The following KCNIP4 variants were observed in gnomAD, a reference collection of about 807,000 sequenced individuals.
The protein encoded by KCNIP4 is potassium voltage-gated channel interacting protein 4.
A neutral mutation model predicts 34.0 loss-of-function variants in KCNIP4; 12 were observed. The observed-to-expected ratio is 0.35, with a 90% CI of 0.23 to 0.57. The LOEUF (loss-of-function observed/expected upper bound fraction) is 0.57, where lower values mean the gene tolerates loss of function less well. Among genes scored for constraint, KCNIP4 ranks in the 20% least tolerant of loss-of-function variants. The pLI, the probability that KCNIP4 is intolerant of heterozygous loss-of-function variation, is 0.83. For missense variants in KCNIP4, 238 were observed against 311.7 expected, an observed-to-expected ratio of 0.76 and a Z score of 1.78; for synonymous variants, 124 against 102.2, an observed-to-expected ratio of 1.21 and a Z score of -1.29.
At chr4:21,438,420 C>T (rs1336642816) in intron 1 of KCNIP4, among the ~76,000 whole-genome samples, 1 of 152,072 alleles carries the variant, frequency 6.6e-6, no homozygotes, top group Non-Finnish European at 1.5e-5. Flanking sequence ...TAATAAAAGT[C>T]TAGAATAAGA....
At chr4:20,968,792 G>T (rs1464650427) in intron 1 of KCNIP4, among the ~76,000 whole-genome samples, 1 of 150,690 alleles carries the variant, frequency 6.6e-6, no homozygotes, top group African/African-American at 2.4e-5. Context: ...TGGGGGGCTG[G>T]GGGAGGGATA....
intron 3 of KCNIP4, among the ~76,000 whole-genome samples, chr4:20,781,777 C>T (rs1020740868): frequency 2.6e-5 from 4 of 152,232 alleles, no homozygotes; most frequent in Non-Finnish European, 5.9e-5. Context: ...CAATCCCTGG[C>T]CCCTCCAAAT....
At chr4:20,753,072 T>C (rs918958141) in intron 4 of KCNIP4, among the ~76,000 whole-genome samples, 2 of 152,192 alleles carry the variant, frequency 1.3e-5, no homozygotes, top group African/African-American at 4.8e-5. Context: ...ATTTTACTTG[T>C]GAAGCTGAAA....
intron 1 of KCNIP4, among the ~76,000 whole-genome samples, chr4:21,623,989 T>C (rs1745155129): frequency 6.6e-6 from 1 of 152,076 alleles, no homozygotes; most frequent in Non-Finnish European, 1.5e-5. Flanking sequence ...ATATATATAC[T>C]GTATACATGC....
At chr4:20,948,983 C>A (rs1021526278) in intron 1 of KCNIP4, among the ~76,000 whole-genome samples, 1 of 152,096 alleles carries the variant, frequency 6.6e-6, no homozygotes, top group Non-Finnish European at 1.5e-5. Flanking sequence ...TCCCTGCCAC[C>A]CCTTTTGTAT....
At chr4:21,053,397 G>A (rs776524691) in intron 1 of KCNIP4, among the ~76,000 whole-genome samples, 9 of 152,092 alleles carry the variant, frequency 5.9e-5, no homozygotes, top group Non-Finnish European at 8.8e-5. Context: ...TACAGAAAAC[G>A]TATAGCTAAC....
Position 21,407,427 on chromosome 4 carries a change from G to A in KCNIP4, c.62-524718C>T, listed in dbSNP as rs1005846600. Among the ~76,000 whole-genome samples the A allele has an allele frequency of 4.2e-4, 64 of 152,156 alleles. 1 individual carries two copies. The Middle Eastern group carries it at 0.01, about 24-fold the overall frequency. ...TATTGCTAGTCTTTTCCAAGGGAAC[G>A]TAAGTGCCATGAAGTAGGAAATTTG... On this transcript the variant is annotated intron_variant, in intron 1 of 8. Coordinates refer to ENST00000382152, the MANE Select transcript of KCNIP4 (RefSeq NM_025221.6).
chr4:21,446,199 T>C (rs1447977864), intron 1 of KCNIP4, among the ~76,000 whole-genome samples: 1 of 152,108 alleles, frequency 6.6e-6, no homozygotes, highest in Non-Finnish European at 1.5e-5. Flanking sequence ...GTTCAACAAT[T>C]GTGGAAGTCA....
In KCNIP4 at chr4:21,131,091, C is replaced by T. The variant is rs899297783; in HGVS notation, c.62-248382G>A. ...CGTATTTCTGTATATATATGCTCCCCGAAGGTATGTAGTAGATTGTTCATA... is the reference window on the plus strand; with the variant it reads ...CGTATTTCTGTATATATATGCTCCCTGAAGGTATGTAGTAGATTGTTCATA... On this transcript the variant is annotated intron_variant, in intron 1 of 8. Transcript: ENST00000382152. 3.9e-5 allele frequency among the ~76,000 whole-genome samples: 6 copies of T among 151,998 alleles called. 1 individual carries two copies. The highest frequency in any genetic ancestry group is 2.6e-4 in the Admixed American group (4 of 15,276).
intron 1 of KCNIP4, among the ~76,000 whole-genome samples, chr4:21,016,241 T>C (rs1739531769): frequency 6.6e-6 from 1 of 151,330 alleles, no homozygotes; most frequent in Non-Finnish European, 1.5e-5. Context: ...ATATACCCTT[T>C]TATTTTTTAA....
At chr4:20,922,547 G>GTCTGTCTGTCTATCTATCTA (rs373186954) in intron 1 of KCNIP4, among the ~76,000 whole-genome samples, 4,071 of 129,360 alleles carry the variant, frequency 0.031, 86 homozygotes, top group Middle Eastern at 0.065. Flanking sequence ...CTGTCTGTCT[G>GTCTGTCTGTCTATCTATCTA]TCTATCTATC....
At chr4:20,950,558 T>C (rs1000203758) in intron 1 of KCNIP4, among the ~76,000 whole-genome samples, 1 of 152,122 alleles carries the variant, frequency 6.6e-6, no homozygotes, top group African/African-American at 2.4e-5. Context: ...ACCAGATTTC[T>C]GGTGGCAATT....
At chr4:21,275,981 T>C (rs1762413191) in intron 1 of KCNIP4, among the ~76,000 whole-genome samples, 1 of 152,190 alleles carries the variant, frequency 6.6e-6, no homozygotes. Context: ...AAAAAACTCA[T>C]GATGCTTTAA....
chr4:21,309,368 T>C (rs935015362), intron 1 of KCNIP4, among the ~76,000 whole-genome samples: 1 of 150,690 alleles, frequency 6.6e-6, no homozygotes, highest in Non-Finnish European at 1.5e-5. Context: ...TAAGCCAGTA[T>C]GAGTAATAAA....
rs137858674 is a variant in KCNIP4 at position 20,753,690 on chromosome 4, T to C, written c.359-3958A>G. 2.3e-3 allele frequency among the ~76,000 whole-genome samples: 351 copies of C among 152,328 alleles called. 8 individuals are homozygous for C. The South Asian group carries it at 0.046, about 20-fold the overall frequency. On this transcript the variant is annotated intron_variant, in intron 4 of 8. Transcript: ENST00000382152. ...TACTATGGTAAGACAAGTTCATATG[T>C]GTGAATAGTAGCTTCTGTCAATAAG...
At chr4:20,811,515 G>A (rs921250755) in intron 3 of KCNIP4, among the ~76,000 whole-genome samples, 6 of 35,910 alleles carry the variant, frequency 1.7e-4, no homozygotes, top group African/African-American at 4.1e-4. Context: ...GTGTGTGTGT[G>A]CGCGCGCGCA....
intron 1 of KCNIP4, among the ~76,000 whole-genome samples, chr4:21,518,781 A>G (rs963628263): frequency 4.6e-5 from 7 of 152,120 alleles, no homozygotes; most frequent in Admixed American, 6.6e-5. Flanking sequence ...ATGTGGCCGA[A>G]CTGCCAGGAT....
intron 1 of KCNIP4, among the ~76,000 whole-genome samples, chr4:20,959,072 G>C (rs1733603621): frequency 6.6e-6 from 1 of 152,166 alleles, no homozygotes; most frequent in Admixed American, 6.6e-5. Flanking sequence ...TTTACTGCCT[G>C]CTGGAGGAGG....
rs116561576 is a variant in KCNIP4, at chr4:21,841,507, A to T, written c.61+107064T>A. Reference sequence around the variant, plus strand: ...TCTCCCAATGTCTCTTTTCCTCTTCATATGCATCCAGGAACTTCTGCCTAT... The same window carrying T: ...TCTCCCAATGTCTCTTTTCCTCTTCTTATGCATCCAGGAACTTCTGCCTAT... On this transcript the variant is annotated intron_variant, in intron 1 of 8. Transcript: ENST00000382152. Among the ~76,000 whole-genome samples the T allele has an allele frequency of 7.3e-3, 1,105 of 152,258 alleles. 18 individuals are homozygous for T. The highest frequency in any genetic ancestry group is 0.025 in the African/African-American group (1,047 of 41,560).
Sources: gnomAD v4.1 joint callset for allele counts (sites outside exome capture counted in the v4.1 genomes callset) on GRCh38, gnomAD v4.1.1 for gene constraint, MANE v1.5 for transcripts, NCBI Gene and HGNC (gene_info 2026-07-23, HGNC 2026-07-21) for gene names.